The following GRAMD2B variants were observed in gnomAD, a reference collection of about 807,000 sequenced individuals.
GRAMD2B encodes GRAM domain-containing protein 2B.
A neutral mutation model predicts 59.2 loss-of-function variants in GRAMD2B; 41 were observed. The observed-to-expected ratio is 0.69, with a 90% confidence interval of 0.54 to 0.90. The LOEUF is 0.90. Ranked by LOEUF, GRAMD2B falls within the 40% of genes least tolerant of loss-of-function variation. The pLI is 0.00. For missense variants in GRAMD2B, 424 were observed against 500.5 expected (o/e 0.85, Z 1.46); for synonymous variants, 161 against 182.7 (o/e 0.88, Z 0.96).
At chr5:126,451,962 C>T (rs1028626383) in intron 1 of GRAMD2B, among the ~76,000 whole-genome samples, 9 of 152,104 alleles carry the variant, frequency 5.9e-5, no homozygotes, top group East Asian at 3.9e-4. Context: ...GCTCCCCCTT[C>T]GCCTTCCACC....
At chr5:126,373,260 T>C (rs1204476560) in intron 1 of GRAMD2B, among the ~76,000 whole-genome samples, 1 of 152,172 alleles carries the variant, frequency 6.6e-6, no homozygotes, top group East Asian at 1.9e-4. Context: ...TCACTGAAAA[T>C]AATTTGTGGA....
At chr5:126,476,861 AT>A (rs1210820904) in intron 5 of GRAMD2B, among the ~76,000 whole-genome samples, 1 of 152,162 alleles carries the variant, frequency 6.6e-6, no homozygotes, top group African/African-American at 2.4e-5. Context: ...AACACTGGGC[AT>A]TTTGCATATA....
intron 12 of GRAMD2B, among the ~76,000 whole-genome samples, 180 bp from the exon 13 acceptor site, chr5:126,488,619 C>T (rs1334495540): frequency 6.6e-6 from 1 of 152,192 alleles, no homozygotes; most frequent in Non-Finnish European, 1.5e-5. Flanking sequence ...AGAATTAGTT[C>T]CCTAAACATC....
chr5:126,466,280 T>A (rs1179079351), intron 2 of GRAMD2B: 2 of 1,548,322 alleles, frequency 1.3e-6, no homozygotes, highest in South Asian at 2.4e-5. Context: ...TTTGCTTCCT[T>A]CCTGGCTTCC....
chr5:126,364,370 A>G (rs549844756), intron 1 of GRAMD2B, among the ~76,000 whole-genome samples: 1 of 152,342 alleles, frequency 6.6e-6, no homozygotes, highest in Non-Finnish European at 1.5e-5. Context: ...TTGAAATATT[A>G]TAATTAATGA....
At chr5:126,411,686 C>T (rs1027775017) in intron 1 of GRAMD2B, among the ~76,000 whole-genome samples, 5 of 151,858 alleles carry the variant, frequency 3.3e-5, no homozygotes, top group East Asian at 1.9e-4. Flanking sequence ...CTGTAGATTG[C>T]GTTGGGTAGT....
intron 1 of GRAMD2B, among the ~76,000 whole-genome samples, chr5:126,401,277 A>C (rs979522676): frequency 3.3e-5 from 5 of 151,916 alleles, no homozygotes; most frequent in African/African-American, 1.2e-4. Flanking sequence ...CAGCTCCAGA[A>C]TTTGTTTGGT....
intron 1 of GRAMD2B, among the ~76,000 whole-genome samples, chr5:126,402,770 A>T (rs553126014): frequency 4.6e-5 from 7 of 152,180 alleles, no homozygotes; most frequent in Non-Finnish European, 8.8e-5. Context: ...CAGGCCAAGG[A>T]TATTATGTAA....
At chr5:126,391,988 T>C (rs1003013203) in intron 1 of GRAMD2B, among the ~76,000 whole-genome samples, 3 of 152,272 alleles carry the variant, frequency 2.0e-5, no homozygotes, top group South Asian at 4.1e-4. Flanking sequence ...GTTCATATTC[T>C]GTAAATACAA....
At chr5:126,371,199 A>G (rs1329961470), upstream of GRAMD2B, 15 of 569,392 alleles carry the variant, frequency 2.6e-5, no homozygotes, top group Non-Finnish European at 3.4e-5. Flanking sequence ...TGAATTTCCC[A>G]AACACATTTA....
chr5:126,364,197 G>C (rs1263684015), intron 1 of GRAMD2B, among the ~76,000 whole-genome samples: 1 of 152,046 alleles, frequency 6.6e-6, no homozygotes, highest in South Asian at 2.1e-4. Flanking sequence ...TACAGATTAG[G>C]AAACTAAAAT....
At chr5:126,466,871 G>A (rs192415584) in intron 2 of GRAMD2B, among the ~76,000 whole-genome samples, 21 of 152,264 alleles carry the variant, frequency 1.4e-4, no homozygotes, top group Admixed American at 4.6e-4. Flanking sequence ...CCAGGCTTCC[G>A]TAATAATAAT....
At chr5:126,388,530 A>G (rs960887675) in intron 1 of GRAMD2B, among the ~76,000 whole-genome samples, 1 of 152,008 alleles carries the variant, frequency 6.6e-6, no homozygotes, top group Non-Finnish European at 1.5e-5. Flanking sequence ...TCATTATGCT[A>G]TGAAAGGTTT....
At chr5:126,378,000 A>G (rs971091831) in intron 1 of GRAMD2B, among the ~76,000 whole-genome samples, 5 of 152,198 alleles carry the variant, frequency 3.3e-5, no homozygotes, top group African/African-American at 1.2e-4. Flanking sequence ...AATGCAGCTA[A>G]TATAATTATA....
chr5:126,423,041 C>A, upstream of GRAMD2B: 1 of 426,290 alleles, frequency 2.3e-6, no homozygotes, highest in Non-Finnish European at 3.1e-6. Context: ...GGCAGTCCCT[C>A]AATGAAGCAA....
chr5:126,381,776 TG>T (rs1380357734), intron 1 of GRAMD2B, among the ~76,000 whole-genome samples: 1 of 152,164 alleles, frequency 6.6e-6, no homozygotes, highest in Non-Finnish European at 1.5e-5. Context: ...ATTGTGTTAT[TG>T]TTTTATAGGT....
intron 1 of GRAMD2B, among the ~76,000 whole-genome samples, chr5:126,428,537 C>T (rs1056748392): frequency 3.9e-5 from 6 of 152,098 alleles, no homozygotes; most frequent in African/African-American, 1.4e-4. Context: ...GCTGATTTAT[C>T]TGGGCAGTAC....
chr5:126,392,355 G>C (rs1198817235), intron 1 of GRAMD2B, among the ~76,000 whole-genome samples: 1 of 152,026 alleles, frequency 6.6e-6, no homozygotes, highest in Admixed American at 6.5e-5. Flanking sequence ...CCATGTACAG[G>C]CTTCCTTAGG....
At chr5:126,453,479 A>G (rs181106131) in intron 1 of GRAMD2B, among the ~76,000 whole-genome samples, 10 of 152,358 alleles carry the variant, frequency 6.6e-5, no homozygotes, top group Admixed American at 6.5e-4. Context: ...TTTATTATGC[A>G]ATGCAAAATA....
Sources: allele counts gnomAD v4.1 joint callset (sites outside exome capture counted in the v4.1 genomes callset), GRCh38; gene constraint gnomAD v4.1.1; transcripts MANE v1.5; gene names NCBI Gene and HGNC (gene_info 2026-07-23, HGNC 2026-07-21).